The following SYTL2 variants were observed in gnomAD, a reference collection of about 807,000 sequenced individuals.
The protein encoded by SYTL2 is synaptotagmin like 2.
A neutral mutation model predicts 198.7 loss-of-function variants in SYTL2; 165 were observed. The observed-to-expected ratio is 0.83, with a 90% CI of 0.73 to 0.94. SYTL2 has a LOEUF of 0.94. Ranked by LOEUF, SYTL2 falls within the 40% of genes least tolerant of loss-of-function variation. The pLI is 0.00. For synonymous variants in SYTL2, 966 were observed against 917.7 expected (o/e 1.05, Z -0.95); for missense variants, 2,835 against 2,582.8 (o/e 1.10, Z -2.12).
At position 85,725,791 on chromosome 11, in the gene SYTL2, C is replaced by A. The variant is rs752339355; in HGVS notation, c.3567G>T (p.Lys1189Asn). The change falls in exon 8 of 20, where the codon AAG becomes AAT. Residue 1189 changes from lysine to asparagine, a missense_variant. Around this residue, in one of 3 missense-constraint regions of SYTL2, gnomAD observed 2,645 missense variants for 2,381.7 expected, o/e 1.11. Transcript: ENST00000359152. ...DTEEEVKGPE[K>N]IINEHVDKTV... is the part of the protein sequence containing the mutation. ...TTTTGTCAACATGCTCATTAATGAT[C>A]TTCTCAGGTCCTTTGACTTCTTCCT... is the stretch of plus-strand genomic sequence containing the variant. The A allele has an allele frequency of 1.9e-6, 3 of 1,614,026 alleles. No individual in the cohort carries two copies. Among genetic ancestry groups the A allele is most frequent in the Middle Eastern group, 3.3e-4 (2 of 6,084 alleles).
In SYTL2 at chr11:85,773,476, G is replaced by A. The variant is rs75428434; in HGVS notation, c.-389-15362C>T. 1.6e-3 allele frequency among the ~76,000 whole-genome samples: 238 copies of A among 152,278 alleles called. 5 individuals are homozygous for A. The East Asian group carries it at 0.035, about 23-fold the overall frequency. On this transcript the variant is annotated intron_variant, in intron 1 of 19. Transcript: ENST00000359152. ...GGTGTCACCTCCTGTCGGAAGATGA[G>A]TCTAGCCCCTTCCTGATAAGTGGAG...
At position 85,709,631 on chromosome 11, in the gene SYTL2, T is replaced by C. The variant is rs931599157; in HGVS notation, c.5746-131A>G. 6.1e-5 allele frequency: 48 copies of C among 788,378 alleles called. No individual in the cohort carries two copies. In the Admixed American group the frequency reaches 8.4e-4, roughly 14 times the overall value. 48.8% of individuals were successfully genotyped at this position (788,378 alleles called of 1,614,324 possible). On this transcript the variant is annotated intron_variant, in intron 13 of 19. Coordinates refer to ENST00000359152, the MANE Select transcript of SYTL2 (RefSeq NM_206927.4). ...TAAAAGCAGTTAATTCAATATAGCA[T>C]AAAGACATATCTATAAAGACAACCT...
chr11:85,738,077 G>A (rs2090496866), intron 4 of SYTL2, among the ~76,000 whole-genome samples: 1 of 152,156 alleles, frequency 6.6e-6, no homozygotes, highest in Non-Finnish European at 1.5e-5. Context: ...ACAGAGTCAG[G>A]AGCTTGGAAA....
chr11:85,810,469 G>A (rs188115646), intron 1 of SYTL2, among the ~76,000 whole-genome samples: 3 of 152,190 alleles, frequency 2.0e-5, no homozygotes, highest in African/African-American at 7.2e-5. Flanking sequence ...GACGAGGTGT[G>A]GGTATGGAAG....
intron 1 of SYTL2, among the ~76,000 whole-genome samples, chr11:85,790,724 G>GGTGA: frequency 6.6e-6 from 1 of 152,244 alleles, no homozygotes; most frequent in Admixed American, 6.5e-5. Context: ...ACTGGGATGT[G>GGTGA]CCCTATGGTG....
the SYTL2 span, among the ~76,000 whole-genome samples, chr11:85,844,175 C>T: frequency 6.6e-6 from 1 of 152,216 alleles, no homozygotes; most frequent in Non-Finnish European, 1.5e-5. Context: ...TAGCTGAAGC[C>T]TCTCAATTTC....
At chr11:85,710,743 G>A (rs1274663452) in intron 13 of SYTL2, among the ~76,000 whole-genome samples, 1 of 152,160 alleles carries the variant, frequency 6.6e-6, no homozygotes. Context: ...TACTAAAAGA[G>A]AGGTTCAATT....
At chr11:85,827,639 G>GT in the SYTL2 span, among the ~76,000 whole-genome samples, 1 of 152,126 alleles carries the variant, frequency 6.6e-6, no homozygotes, top group Non-Finnish European at 1.5e-5. Context: ...CTTATAAATA[G>GT]TAAGTTCTGG....
At chr11:85,854,735 G>C in the SYTL2 span, 1 of 152,338 alleles carries the variant, frequency 6.6e-6, no homozygotes, top group East Asian at 1.9e-4. Context: ...GAACTGTGCG[G>C]AAAGCGCCAC....
chr11:85,837,580 A>G, the SYTL2 span, among the ~76,000 whole-genome samples: 1 of 152,200 alleles, frequency 6.6e-6, no homozygotes, highest in African/African-American at 2.4e-5. Flanking sequence ...TTAAGTCAAA[A>G]TGATGAGGCT....
chr11:85,726,544 C>G lies in SYTL2; in HGVS notation c.2814G>C (p.Gly938=). 2 of 1,599,882 alleles carry G rather than the reference C, an allele frequency of 1.3e-6. No individual in the cohort carries two copies. The part of the protein sequence containing the change: ...LPALQPPSNV[G]SERHAPLEKD... ...TCTCCAATGGAGCATGTCGTTCACT[C>G]CCGACATTTGAGGGAGGTTGCAGTG... The change falls in exon 8 of 20, where the codon GGG becomes GGC. Residue 938 remains glycine (G), a synonymous_variant. Coordinates refer to ENST00000359152, the MANE Select transcript of SYTL2 (RefSeq NM_206927.4).
At position 85,734,406 on chromosome 11, in the gene SYTL2, T is replaced by A. The variant is rs779745537; in HGVS notation, c.923A>T (p.His308Leu). The A allele has an allele frequency of 1.2e-6, 2 of 1,614,200 alleles. No individual in the cohort carries two copies. Among genetic ancestry groups the A allele is most frequent in the Non-Finnish European group, 8.5e-7 (1 of 1,180,024 alleles). Residue 308 changes from histidine (H) to leucine (L), a missense_variant, in exon 7 of 20, where the codon CAT becomes CTT. His to Leu is a moderately conservative substitution (Grantham distance 99). Around this residue, in one of 3 missense-constraint regions of SYTL2, gnomAD observed 2,645 missense variants for 2,381.7 expected, o/e 1.11. Transcript: ENST00000359152. ...ATGCTCCTTCTCAGAAATTCTCTCA[T>A]GGATGGTTAGGCCAGGTGACACAAT... ...SKIVSPGLTI[H>L]ERISEKEHSL...
chr11:85,802,220 C>CTTTTTTTTTTTTTTTTTT (rs5793172), intron 1 of SYTL2, among the ~76,000 whole-genome samples: 1 of 122,590 alleles, frequency 8.2e-6, no homozygotes, highest in African/African-American at 3.1e-5. Context: ...TTTTTCTTTT[C>CTTTTTTTTTTTTTTTTTT]TTTTTTTTTT....
chr11:85,823,626 C>T, the SYTL2 span, among the ~76,000 whole-genome samples: 1 of 152,132 alleles, frequency 6.6e-6, no homozygotes, highest in East Asian at 1.9e-4. Flanking sequence ...TCTATCAATA[C>T]TACTAAGTAT....
chr11:85,828,392 T>C, the SYTL2 span, among the ~76,000 whole-genome samples: 1 of 152,232 alleles, frequency 6.6e-6, no homozygotes, highest in African/African-American at 2.4e-5. Flanking sequence ...AAACATTACT[T>C]TTACAAGCTT....
intron 1 of SYTL2, among the ~76,000 whole-genome samples, chr11:85,810,235 AAAG>A (rs755470730): frequency 1.3e-5 from 2 of 152,104 alleles, no homozygotes; most frequent in Non-Finnish European, 2.9e-5. Context: ...CACTAAATGA[AAAG>A]AAGAACTTTT....
chr11:85,743,649 T>C (rs893175093), intron 4 of SYTL2, among the ~76,000 whole-genome samples: 2 of 152,306 alleles, frequency 1.3e-5, no homozygotes, highest in East Asian at 1.9e-4. Flanking sequence ...GAGATGCTAA[T>C]CTTGAATACT....
At chr11:85,751,192 A>G (rs182328263) in intron 2 of SYTL2, among the ~76,000 whole-genome samples, 168 of 152,348 alleles carry the variant, frequency 1.1e-3, no homozygotes, top group African/African-American at 3.9e-3. Flanking sequence ...TGCCACTTAC[A>G]TATTTCCTTA....
the SYTL2 span, among the ~76,000 whole-genome samples, chr11:85,848,974 A>T: frequency 6.6e-6 from 1 of 152,352 alleles, no homozygotes; most frequent in Admixed American, 6.5e-5. Context: ...CAAAGAAAAA[A>T]AAGTGAACTG....
Sources: gnomAD v4.1 joint callset for allele counts (sites outside exome capture counted in the v4.1 genomes callset) on GRCh38, gnomAD v4.1.1 for gene constraint, gnomAD v4.1.1 regional missense constraint, MANE v1.5 for transcripts, NCBI Gene and HGNC (gene_info 2026-07-23, HGNC 2026-07-21) for gene names.